Variants in SUPT20H observed in about 807,000 individuals in gnomAD.
SUPT20H encodes transcription factor SPT20 homolog.
A neutral mutation model predicts 122.8 loss-of-function variants in SUPT20H; 82 were observed. The observed-to-expected ratio is 0.67, with a 90% CI of 0.56 to 0.80. The LOEUF (loss-of-function observed/expected upper bound fraction) is 0.80. SUPT20H is among the 30% of genes least tolerant of loss of function. The pLI, the probability that SUPT20H is intolerant of heterozygous loss-of-function variation, is 0.00. For missense variants in SUPT20H, 831 were observed against 921.6 expected (o/e 0.90, Z 1.27); for synonymous variants, 291 against 313.0 (o/e 0.93, Z 0.74).
rs775695781 is a variant in SUPT20H at position 37,022,180 on chromosome 13, TG to T, written c.1592-101del. The T allele has an allele frequency of 1.2e-6, 2 of 1,612,338 alleles. No individual in the cohort carries two copies. The highest frequency in any genetic ancestry group is 8.5e-7 in the Non-Finnish European group (1 of 1,179,118). ...TGCTGAGCAAACTGAGTTAACAAAG[TG>T]GGCTGAGGGGTGAAGCCTGAATCTT... On this transcript the variant is annotated intron_variant, in intron 19 of 25. Coordinates refer to ENST00000350612, the MANE Select transcript of SUPT20H (RefSeq NM_001014286.3). The surrounding 1 kb of genome is among the most constrained non-coding windows in gnomAD (Gnocchi z 4.5).
intron 10 of SUPT20H, 55 bp from the exon 11 acceptor site, chr13:37,031,950 T>C (rs934975891): frequency 2.7e-6 from 4 of 1,471,712 alleles, no homozygotes; most frequent in Non-Finnish European, 3.6e-6. Flanking sequence ...ACTCATAATA[T>C]ATGTGAGTTG....
In SUPT20H at chr13:37,026,688, A is replaced by T. The variant is rs2062344813; in HGVS notation, c.1178+102T>A. On this transcript the variant is annotated intron_variant, in intron 15 of 25. Transcript: ENST00000350612. ...AATATATTTCAAACAAAGTATACAT[A>T]TTTATCACTGATTCAAATAAAGTAT... 4.3e-6 allele frequency: 3 copies of T among 698,404 alleles called. No homozygotes were observed. In the South Asian group the frequency reaches 6.3e-5, roughly 15 times the overall value. The allele number at this position is 698,404 out of a possible 1,614,324, so 43.3% of individuals were successfully genotyped here.
chr13:37,026,014 A>C (rs2062194236), intron 16 of SUPT20H, 190 bp downstream of exon 16: 1 of 419,744 alleles, frequency 2.4e-6, no homozygotes, highest in Non-Finnish European at 4.3e-6. Context: ...TAAAGTTGGA[A>C]AGGACCTTAG....
chr13:37,055,173 G>A (rs777857584), intron 1 of SUPT20H, among the ~76,000 whole-genome samples: 3 of 152,154 alleles, frequency 2.0e-5, no homozygotes, highest in Non-Finnish European at 2.9e-5. Flanking sequence ...AATCAATATC[G>A]TGAAAATCGC....
In SUPT20H at chr13:37,027,347, C is replaced by G. The variant is rs192626752; in HGVS notation, c.1152-531G>C. On this transcript the variant is annotated intron_variant, in intron 14 of 25. Transcript: ENST00000350612. Reference sequence around the variant, plus strand: ...AAAAAAAGAAGAAAATGTATGTTATCAAAATATCTGATCCTTTTACAATAA... The same window carrying G: ...AAAAAAAGAAGAAAATGTATGTTATGAAAATATCTGATCCTTTTACAATAA... 4.6e-5 allele frequency among the ~76,000 whole-genome samples: 7 copies of G among 151,888 alleles called. No individual in the cohort carries two copies. The East Asian group carries it at 1.4e-3, about 29-fold the overall frequency.
rs2061607563 is a variant in SUPT20H, at chr13:37,022,794, A to T, written c.1592-714T>A. 9.6e-7 allele frequency: 1 copy of T among 1,047,080 alleles called. No individual in the cohort carries two copies. Among genetic ancestry groups the T allele is most frequent in the Admixed American group, 4.7e-5 (1 of 21,302 alleles). 64.9% of individuals were successfully genotyped at this position (1,047,080 alleles called of 1,614,324 possible). A position where few individuals can be genotyped will look rare whatever the true frequency, so the allele number is the denominator to read the frequency against. Reference sequence around the variant, plus strand: ...TTTGGCACCTAAATATACATGTTTAATTCCTAACACATCAAGTTTATCCTG... The same window carrying T: ...TTTGGCACCTAAATATACATGTTTATTTCCTAACACATCAAGTTTATCCTG... On this transcript the variant is annotated intron_variant, in intron 19 of 25. Coordinates refer to ENST00000350612, the MANE Select transcript of SUPT20H (RefSeq NM_001014286.3). The surrounding 1 kb of genome is among the most constrained non-coding windows in gnomAD (Gnocchi z 4.5).
intron 9 of SUPT20H, among the ~76,000 whole-genome samples, chr13:37,036,627 T>C (rs568916190): frequency 5.3e-5 from 8 of 152,104 alleles, no homozygotes; most frequent in African/African-American, 1.9e-4. Flanking sequence ...GCTAGGAGAT[T>C]TTTTTCAATA....
At chr13:37,014,935 TTAAA>T (rs1339931407) in intron 23 of SUPT20H, among the ~76,000 whole-genome samples, 1 of 152,168 alleles carries the variant, frequency 6.6e-6, no homozygotes, top group African/African-American at 2.4e-5. Flanking sequence ...GGCAAACTGC[TTAAA>T]TAAACTTACA....
chr13:37,027,492 T>C (rs2062507602), intron 14 of SUPT20H, among the ~76,000 whole-genome samples: 1 of 152,110 alleles, frequency 6.6e-6, no homozygotes, highest in Non-Finnish European at 1.5e-5. Flanking sequence ...TAGTTTCAAT[T>C]AGTATTTTGT....
At chr13:37,014,323 C>A (rs2060079969) in intron 23 of SUPT20H, among the ~76,000 whole-genome samples, 1 of 152,028 alleles carries the variant, frequency 6.6e-6, no homozygotes, top group Admixed American at 6.5e-5. Flanking sequence ...CAACACTTCT[C>A]TCAGTAACTG....
chr13:37,021,772 G>A (rs1412165866), intron 20 of SUPT20H, among the ~76,000 whole-genome samples, 170 bp from the exon 21 acceptor site: 2 of 152,108 alleles, frequency 1.3e-5, no homozygotes, highest in Admixed American at 1.3e-4. Flanking sequence ...CTAAGCTGCT[G>A]TCAAGATGAA....
chr13:37,051,414 A>G, intron 2 of SUPT20H, 74 bp downstream of exon 2: 1 of 1,472,354 alleles, frequency 6.8e-7, no homozygotes, highest in Non-Finnish European at 9.5e-7. Flanking sequence ...TATCTACCAT[A>G]CAAATATCTT....
chr13:37,048,597 T>C lies in SUPT20H; in HGVS notation c.6A>G (p.Gln2=), dbSNP rs752722562. 2.5e-6 allele frequency: 4 copies of C among 1,598,536 alleles called. No individual in the cohort carries two copies. Among genetic ancestry groups the C allele is most frequent in the Non-Finnish European group, 3.4e-6 (4 of 1,173,712 alleles). Residue 2 remains glutamine (Q), a splice_region_variant and synonymous_variant, in exon 3 of 26, where the codon CAA becomes CAG. Coordinates refer to ENST00000350612, the MANE Select transcript of SUPT20H (RefSeq NM_001014286.3). The part of the protein sequence containing the change: M[Q]QALELALDRA... ...GATCCAAAGCTAGTTCTAAAGCTTG[T>C]TGCTGTAAAAAGTAAATAGTATATT...
At chr13:37,054,439 C>A (rs2068476326) in intron 1 of SUPT20H, among the ~76,000 whole-genome samples, 1 of 152,178 alleles carries the variant, frequency 6.6e-6, no homozygotes, top group Non-Finnish European at 1.5e-5. Context: ...TGGGCTTCAT[C>A]CATGGGATGC....
In SUPT20H at chr13:37,053,578, G is replaced by A. The variant is rs150302593; in HGVS notation, c.-93-1995C>T. Among the ~76,000 whole-genome samples, 768 of 151,888 alleles carry A rather than the reference G, an allele frequency of 5.1e-3. 6 individuals are homozygous for A. The highest frequency in any genetic ancestry group is 0.018 in the African/African-American group (732 of 41,418). The stretch of plus-strand genomic sequence containing the variant: ...TAGGACAAATACCTAACACATGCGG[G>A]GCTTAAAACCTAGATGACGGGTTGA... On this transcript the variant is annotated intron_variant, in intron 1 of 25. Transcript: ENST00000350612.
At chr13:37,047,346 C>A in intron 5 of SUPT20H, 189 bp downstream of exon 5, 1 of 485,952 alleles carries the variant, frequency 2.1e-6, no homozygotes, top group South Asian at 2.9e-5. Context: ...TCACTCCTAC[C>A]TCAGCAGGTG....
intron 4 of SUPT20H, 96 bp downstream of exon 4, chr13:37,047,782 T>C: frequency 7.6e-7 from 1 of 1,320,754 alleles, no homozygotes; most frequent in South Asian, 1.6e-5. Context: ...AAAGAACCTA[T>C]AAAATTTCTA....
intron 19 of SUPT20H, chr13:37,023,406 A>G (rs2061684371): frequency 6.5e-6 from 1 of 153,584 alleles, no homozygotes; most frequent in African/African-American, 2.4e-5. Context: ...ATTCTCCCAA[A>G]CTAATGCTAG....
chr13:37,051,463 T>G, intron 2 of SUPT20H, 25 bp downstream of exon 2: 2 of 1,604,456 alleles, frequency 1.2e-6, no homozygotes, highest in Non-Finnish European at 8.5e-7. Context: ...AAACACAAAT[T>G]TGAACATACT....
Sources: allele counts gnomAD v4.1 joint callset (sites outside exome capture counted in the v4.1 genomes callset), GRCh38; gene constraint gnomAD v4.1.1; non-coding constraint Gnocchi (gnomAD v3.1); transcripts MANE v1.5; gene names NCBI Gene and HGNC (gene_info 2026-07-23, HGNC 2026-07-21).